Variants in TAF1 observed in about 807,000 individuals in gnomAD.
The protein encoded by TAF1 is transcription initiation factor TFIID subunit 1.
A neutral mutation model predicts 138.5 loss-of-function variants in TAF1; 2 were observed. The ratio of observed to expected loss-of-function variants is 0.01; its 90% CI spans 0.01 to 0.05. The LOEUF (loss-of-function observed/expected upper bound fraction) is 0.05. Among genes scored for constraint, TAF1 ranks in the 10% least tolerant of loss-of-function variants. The pLI, the probability that TAF1 is intolerant of heterozygous loss-of-function variation, is 1.00. For synonymous variants in TAF1, 437 were observed against 503.2 expected (o/e 0.87, Z 1.76); for missense variants, 709 against 1,478.0 (o/e 0.48, Z 8.53).
chrX:71,401,327 G>A (rs773880413), intron 24 of TAF1, among the ~76,000 whole-genome samples: 1 of 111,317 alleles, frequency 9.0e-6, no homozygotes, highest in East Asian at 2.8e-4. Context: ...TGCGTGGATC[G>A]TGGTACGTGG....
intron 13 of TAF1, among the ~76,000 whole-genome samples, chrX:71,494,190 A>G (rs769669040): frequency 9.0e-6 from 1 of 111,520 alleles, no homozygotes; most frequent in East Asian, 2.8e-4. Context: ...TGGGAGGCCA[A>G]GGCAGGCAGA....
chrX:71,442,739 G>T (rs2037492915), intron 32 of TAF1, among the ~76,000 whole-genome samples: 1 of 111,713 alleles, frequency 9.0e-6, no homozygotes, highest in Non-Finnish European at 1.9e-5. Context: ...CCTTGCCCAT[G>T]CCTATGTCCT....
chrX:71,416,391 G>GA (rs1368229540), intron 28 of TAF1, among the ~76,000 whole-genome samples: 5 of 105,987 alleles, frequency 4.7e-5, no homozygotes, highest in Admixed American at 2.0e-4. Flanking sequence ...GTCTCAAAAA[G>GA]AAAAAAAAAG....
chrX:71,469,197 C>G (rs1403429063), downstream of TAF1, among the ~76,000 whole-genome samples: 1 of 110,709 alleles, frequency 9.0e-6, no homozygotes, highest in African/African-American at 3.3e-5. Context: ...CCCAGCTACT[C>G]AGGAGGATCC....
At position 71,519,908 on chromosome X, in the gene TAF1, C is replaced by T. The variant is rs533310361; in HGVS notation, c.1367-8634C>T. ...ACAGCCTCTACCTCCTGCGCTCAAG[C>T]GATTTTCCTGCCTCAGCCTCCAGAG... On this transcript the variant is annotated intron_variant and NMD_transcript_variant, in intron 13 of 14. Coordinates refer to the TAF1 transcript ENST00000373775. Among the ~76,000 whole-genome samples, 3 of 109,465 alleles carry T rather than the reference C, an allele frequency of 2.7e-5. No homozygotes were observed. The South Asian group carries it at 1.2e-3, about 44-fold the overall frequency.
At chrX:71,523,088 A>G (rs1161890042) in intron 13 of TAF1, among the ~76,000 whole-genome samples, 6 of 105,019 alleles carry the variant, frequency 5.7e-5, no homozygotes, top group Non-Finnish European at 1.2e-4. Flanking sequence ...AGGCTGAGGC[A>G]GGAGAATCGC....
intron 32 of TAF1, among the ~76,000 whole-genome samples, chrX:71,434,333 T>G (rs954744908): frequency 1.8e-5 from 2 of 112,627 alleles, no homozygotes; most frequent in Non-Finnish European, 3.8e-5. Flanking sequence ...TTTTGTAAAA[T>G]TTTGTTAGTA....
chrX:71,388,969 C>A, intron 17 of TAF1, 101 bp downstream of exon 17: 2 of 980,368 alleles, frequency 2.0e-6, no homozygotes, highest in Non-Finnish European at 2.7e-6. Flanking sequence ...CTCTGACTGG[C>A]TTAGGGAGGA....
chrX:71,478,408 A>G (rs1195157253), intron 13 of TAF1, among the ~76,000 whole-genome samples: 1 of 110,290 alleles, frequency 9.1e-6, no homozygotes, highest in Non-Finnish European at 1.9e-5. Context: ...TGTAATCTCA[A>G]TGCTTTGGGG....
At chrX:71,505,720 G>GT (rs1205539361) in intron 13 of TAF1, among the ~76,000 whole-genome samples, 2 of 111,766 alleles carry the variant, frequency 1.8e-5, no homozygotes, top group Admixed American at 1.9e-4. Context: ...AGGACAGTAG[G>GT]TAAAAACTAA....
At position 71,384,276 on chromosome X, in the gene TAF1, C is replaced by T. The variant is rs777665658; in HGVS notation, c.2121+141C>T. ...TTACATACAAATTTTTTATTATTAA[C>T]GTAGCTGTAGTTAGAGATCTACTGG... On this transcript the variant is annotated intron_variant, in intron 13 of 37. Transcript: ENST00000423759. 27 of 681,155 alleles carry T rather than the reference C, an allele frequency of 4.0e-5. No individual in the cohort carries two copies. In the African/African-American group the frequency reaches 4.5e-4, roughly 11 times the overall value. The allele number at this position is 681,155 out of a possible 1,213,427, so 56.1% of individuals were successfully genotyped here.
Position 71,378,862 on chromosome X carries a change from T to G in TAF1, c.1191T>G (p.Leu397=). 6 of 1,211,682 alleles carry G rather than the reference T, an allele frequency of 5.0e-6. No homozygotes were observed. Among genetic ancestry groups the G allele is most frequent in the Non-Finnish European group, 6.7e-6 (6 of 895,580 alleles). Residue 397 remains leucine (L), a synonymous_variant, in exon 8 of 38, where the codon CTT becomes CTG. Transcript: ENST00000423759. Reference sequence around the variant, plus strand: ...TTGAGGAAAACAATGGCACTGATCTTCTGGCTGATGAAAACTTCCTGATGG... The same window carrying G: ...TTGAGGAAAACAATGGCACTGATCTGCTGGCTGATGAAAACTTCCTGATGG... ...RKLEENNGTD[L]LADENFLMVT...
Position 71,436,406 on chromosome X carries a change from G to A in TAF1, c.4753+12168G>A, listed in dbSNP as rs558589507. Among the ~76,000 whole-genome samples, 18 of 108,609 alleles carry A rather than the reference G, an allele frequency of 1.7e-4. No individual in the cohort carries two copies. In the South Asian group the frequency reaches 6.9e-3, roughly 42 times the overall value. The allele number at this position is 108,609 out of a possible 115,157, so 94.3% of individuals were successfully genotyped here. On this transcript the variant is annotated intron_variant, in intron 32 of 37. Coordinates refer to ENST00000423759, the MANE Select transcript of TAF1 (RefSeq NM_004606.5). ...AATTTTTTATATTTTTAGTAGAGAC[G>A]GGGTTTCACCATGTTAGCCAGGATG...
chrX:71,393,065 A>G, intron 20 of TAF1, 71 bp downstream of exon 20: 2 of 1,165,094 alleles, frequency 1.7e-6, no homozygotes, highest in Non-Finnish European at 2.3e-6. Flanking sequence ...TAGGAGGCAG[A>G]TGTAAAGAAC....
chrX:71,488,496 G>T (rs902758384), intron 13 of TAF1, among the ~76,000 whole-genome samples: 3 of 108,987 alleles, frequency 2.8e-5, no homozygotes, highest in Non-Finnish European at 5.7e-5. Context: ...ACCCACCTCA[G>T]CCTCCCAAAG....
At chrX:71,460,516 A>T (rs1018135275) in intron 36 of TAF1, 110 bp from the exon 37 acceptor site, 1 of 902,496 alleles carries the variant, frequency 1.1e-6, no homozygotes, top group Non-Finnish European at 1.5e-6. Context: ...TATAGGCAAG[A>T]TACCTGTGTA....
At chrX:71,528,772 C>T (rs769802943) in intron 14 of TAF1, 39 of 280,077 alleles carry the variant, frequency 1.4e-4, no homozygotes, top group African/African-American at 5.3e-4. Flanking sequence ...AAAGAGTGAG[C>T]GGCAGCAAGA....
At chrX:71,413,431 A>G (rs1275032051) in intron 28 of TAF1, among the ~76,000 whole-genome samples, 2 of 111,770 alleles carry the variant, frequency 1.8e-5, no homozygotes, top group African/African-American at 6.5e-5. Flanking sequence ...GCATTTCCCT[A>G]TTGACTAATT....
intron 13 of TAF1, among the ~76,000 whole-genome samples, chrX:71,476,110 T>TA (rs1217460373): frequency 8.9e-6 from 1 of 111,874 alleles, no homozygotes; most frequent in Non-Finnish European, 1.9e-5. Context: ...CTTTTCTTTA[T>TA]AAATTATCTA....
Sources: gnomAD v4.1 joint callset for allele counts (sites outside exome capture counted in the v4.1 genomes callset) on GRCh38, gnomAD v4.1.1 for gene constraint, MANE v1.5 for transcripts, NCBI Gene and HGNC (gene_info 2026-07-23, HGNC 2026-07-21) for gene names.